Variants in NFIA observed in about 807,000 individuals in gnomAD.
NFIA encodes nuclear factor 1 A-type.
In NFIA, 8 loss-of-function variants were observed where a neutral mutation model predicts 62.8. The observed-to-expected ratio is 0.13, with a 90% confidence interval of 0.07 to 0.23. The LOEUF (loss-of-function observed/expected upper bound fraction) is 0.23, where lower values mean the gene tolerates loss of function less well. Ranked by LOEUF, NFIA falls within the 10% of genes least tolerant of loss-of-function variation. The pLI is 1.00. For missense variants in NFIA, 410 were observed against 642.1 expected (o/e 0.64, Z 3.91); for synonymous variants, 235 against 238.1 (o/e 0.99, Z 0.12).
At chr1:61,425,697 C>G (rs12740555) in intron 9 of NFIA, among the ~76,000 whole-genome samples, 70,880 of 151,968 alleles carry the variant, frequency 0.47, 16,807 homozygotes, top group South Asian at 0.59. Context: ...GAAAGAAGCT[C>G]TTAAGTACAG....
At chr1:61,289,764 T>A (rs1248899359) in intron 3 of NFIA, among the ~76,000 whole-genome samples, 1 of 152,216 alleles carries the variant, frequency 6.6e-6, no homozygotes, top group African/African-American at 2.4e-5. Flanking sequence ...TTCCTTTATT[T>A]CTTATCTCAT....
At chr1:61,328,723 ATTTTTTT>A (rs35979153) in intron 3 of NFIA, among the ~76,000 whole-genome samples, 1 of 108,932 alleles carries the variant, frequency 9.2e-6, no homozygotes, top group Admixed American at 9.7e-5. Flanking sequence ...CCGGCCTATA[ATTTTTTT>A]TTTTTTTTTT....
At chr1:61,176,107 C>G (rs1650321790) in intron 2 of NFIA, among the ~76,000 whole-genome samples, 2 of 152,118 alleles carry the variant, frequency 1.3e-5, no homozygotes, top group South Asian at 4.1e-4. Context: ...AGGGTGTGTT[C>G]CAGCAGTTGT....
intron 2 of NFIA, among the ~76,000 whole-genome samples, chr1:61,210,034 A>C (rs1199279763): frequency 6.6e-6 from 1 of 152,252 alleles, no homozygotes; most frequent in Non-Finnish European, 1.5e-5. Context: ...TTATGAATAC[A>C]GATATATCCT....
intron 3 of NFIA, among the ~76,000 whole-genome samples, chr1:61,302,435 G>GA (rs1400320956): frequency 1.3e-5 from 2 of 152,142 alleles, no homozygotes; most frequent in Non-Finnish European, 2.9e-5. Context: ...GACTAAGTGG[G>GA]AATATGCAGC....
At chr1:61,374,436 G>A (rs1310201688) in intron 6 of NFIA, among the ~76,000 whole-genome samples, 3 of 151,982 alleles carry the variant, frequency 2.0e-5, no homozygotes, top group African/African-American at 7.2e-5. Context: ...CTGTCACTGG[G>A]GTGTCTGTGT....
At chr1:61,213,404 CAAGTCT>C (rs1653390107) in intron 2 of NFIA, among the ~76,000 whole-genome samples, 1 of 152,278 alleles carries the variant, frequency 6.6e-6, no homozygotes, top group East Asian at 1.9e-4. Flanking sequence ...AAACAGACTG[CAAGTCT>C]AAGTCTCCAA....
At chr1:61,078,900 T>A (rs981674488), upstream of NFIA, among the ~76,000 whole-genome samples, 1 of 152,246 alleles carries the variant, frequency 6.6e-6, no homozygotes, top group African/African-American at 2.4e-5. Context: ...TGCAGTAGCT[T>A]GTCTTGGAGA....
chr1:61,098,526 A>G (rs2100431634), intron 2 of NFIA, among the ~76,000 whole-genome samples: 1 of 152,308 alleles, frequency 6.6e-6, no homozygotes, highest in East Asian at 1.9e-4. Context: ...GTTTCAAGTA[A>G]CTTCTGAGAA....
chr1:61,429,975 A>G (rs138007998), intron 10 of NFIA, among the ~76,000 whole-genome samples: 34 of 152,330 alleles, frequency 2.2e-4, no homozygotes, highest in African/African-American at 7.5e-4. Context: ...TGCGAGATGA[A>G]AAGAGTTCTG....
chr1:61,373,581 A>G (rs376286301), intron 6 of NFIA, among the ~76,000 whole-genome samples: 1 of 152,086 alleles, frequency 6.6e-6, no homozygotes, highest in African/African-American at 2.4e-5. Context: ...CTAGCTCTCT[A>G]TCATGTTTTA....
At chr1:61,202,900 C>A (rs578122687) in intron 2 of NFIA, among the ~76,000 whole-genome samples, 1 of 152,288 alleles carries the variant, frequency 6.6e-6, no homozygotes, top group African/African-American at 2.4e-5. Flanking sequence ...ATTGTTAAAG[C>A]CTCATGTAAA....
chr1:61,123,247 G>C (rs965431157), intron 2 of NFIA, among the ~76,000 whole-genome samples: 4 of 152,182 alleles, frequency 2.6e-5, no homozygotes, highest in African/African-American at 9.7e-5. Flanking sequence ...TAGTGAGGCT[G>C]GTTTTGATAC....
intron 2 of NFIA, among the ~76,000 whole-genome samples, chr1:61,161,810 C>G (rs974523171): frequency 2.0e-5 from 3 of 152,150 alleles, no homozygotes; most frequent in Non-Finnish European, 4.4e-5. Context: ...TTTGGGTGTT[C>G]ACTATATTGG....
chr1:61,179,887 A>G (rs1650637412), intron 2 of NFIA, among the ~76,000 whole-genome samples: 1 of 152,206 alleles, frequency 6.6e-6, no homozygotes, highest in Non-Finnish European at 1.5e-5. Flanking sequence ...CTAAAGGTCC[A>G]TCAGCCTTTA....
At chr1:61,428,888 CA>C (rs1369929533) in intron 10 of NFIA, among the ~76,000 whole-genome samples, 1 of 152,028 alleles carries the variant, frequency 6.6e-6, no homozygotes, top group Non-Finnish European at 1.5e-5. Context: ...TCTGGGAAAA[CA>C]AAATTTTGCT....
At chr1:61,263,347 T>C (rs772909610) in intron 2 of NFIA, among the ~76,000 whole-genome samples, 2 of 152,164 alleles carry the variant, frequency 1.3e-5, no homozygotes, top group Admixed American at 1.3e-4. Flanking sequence ...GCTGTGCTGA[T>C]GCTGCCAGGG....
intron 5 of NFIA, among the ~76,000 whole-genome samples, chr1:61,357,483 C>T (rs543791586): frequency 1.2e-4 from 19 of 152,224 alleles, no homozygotes; most frequent in Middle Eastern, 3.4e-3. Flanking sequence ...AGTGGTACAT[C>T]AGCTGTAGAG....
At chr1:61,413,214 GATGAATCTTGTATATATTCATTATACAA>G (rs1666183271) in intron 9 of NFIA, among the ~76,000 whole-genome samples, 1 of 151,858 alleles carries the variant, frequency 6.6e-6, no homozygotes, top group Non-Finnish European at 1.5e-5. Context: ...TTATATCTTT[GATGAATCTTGTATATATTCATTATACAA>G]ATGAATATGA....
Sources: allele counts gnomAD v4.1 joint callset (sites outside exome capture counted in the v4.1 genomes callset), GRCh38; gene constraint gnomAD v4.1.1; transcripts MANE v1.5; gene names NCBI Gene and HGNC (gene_info 2026-07-23, HGNC 2026-07-21).